JAZF1: variants seen among roughly 807,000 people sequenced by gnomAD.
The protein encoded by JAZF1 is juxtaposed with another zinc finger protein 1.
In JAZF1, 8 loss-of-function variants were observed where a neutral mutation model predicts 26.4. The ratio of observed to expected loss-of-function variants is 0.30; its 90% confidence interval spans 0.18 to 0.55. The LOEUF is 0.55. Ranked by LOEUF, JAZF1 falls within the 20% of genes least tolerant of loss-of-function variation. The pLI, the probability that JAZF1 is intolerant of heterozygous loss-of-function variation, is 0.94. For synonymous variants in JAZF1, 126 were observed against 122.3 expected (o/e 1.03, Z -0.20); for missense variants, 199 against 322.0 (o/e 0.62, Z 2.92).
At chr7:27,972,557 G>A (rs2128360006) in intron 2 of JAZF1, among the ~76,000 whole-genome samples, 1 of 152,200 alleles carries the variant, frequency 6.6e-6, no homozygotes, top group Middle Eastern at 3.4e-3. Flanking sequence ...TGAAGGAGGT[G>A]ATATGACTTA....
At chr7:27,878,444 G>GT (rs1162144895) in intron 3 of JAZF1, among the ~76,000 whole-genome samples, 8 of 152,084 alleles carry the variant, frequency 5.3e-5, no homozygotes, top group South Asian at 2.1e-4. Flanking sequence ...TCTATTTTCT[G>GT]TTTTTTTCTT....
chr7:28,114,389 T>G (rs1302559884), intron 1 of JAZF1, among the ~76,000 whole-genome samples: 3 of 151,886 alleles, frequency 2.0e-5, no homozygotes, highest in Non-Finnish European at 2.9e-5. Context: ...TTGGTGCTAC[T>G]GACATCTCTG....
chr7:28,174,630 T>C (rs565885329), intron 1 of JAZF1, among the ~76,000 whole-genome samples: 9 of 152,344 alleles, frequency 5.9e-5, no homozygotes, highest in African/African-American at 2.2e-4. Context: ...AAAATGTGTA[T>C]ACTAAATGAA....
intron 1 of JAZF1, among the ~76,000 whole-genome samples, chr7:28,146,039 T>C (rs1317862399): frequency 6.6e-6 from 1 of 152,212 alleles, no homozygotes; most frequent in Non-Finnish European, 1.5e-5. Context: ...ATAAGCCCCA[T>C]GCTACTATTC....
At chr7:28,061,312 C>A (rs938953885) in intron 1 of JAZF1, among the ~76,000 whole-genome samples, 40 of 152,318 alleles carry the variant, frequency 2.6e-4, no homozygotes, top group African/African-American at 8.4e-4. Flanking sequence ...TGTATGATCA[C>A]GTTATAAAAT....
intron 1 of JAZF1, among the ~76,000 whole-genome samples, chr7:28,144,035 T>G (rs1782992492): frequency 6.6e-6 from 1 of 152,124 alleles, no homozygotes; most frequent in African/African-American, 2.4e-5. Flanking sequence ...AGTTGCTGGG[T>G]GGGTGTGTTA....
intron 2 of JAZF1, among the ~76,000 whole-genome samples, chr7:27,902,071 A>C (rs1784170663): frequency 1.3e-5 from 2 of 152,230 alleles, no homozygotes; most frequent in Admixed American, 1.3e-4. Context: ...ATTGGAAGGC[A>C]AACTAACCTG....
chr7:28,144,694 G>A (rs1783000261), intron 1 of JAZF1, among the ~76,000 whole-genome samples: 1 of 152,128 alleles, frequency 6.6e-6, no homozygotes, highest in Non-Finnish European at 1.5e-5. Context: ...TTTAATCACA[G>A]TTTAATCACA....
At chr7:27,983,667 A>C (rs922464519) in intron 2 of JAZF1, among the ~76,000 whole-genome samples, 22 of 152,200 alleles carry the variant, frequency 1.4e-4, no homozygotes, top group Admixed American at 4.6e-4. Context: ...CAAAAGTTGA[A>C]ATAAAGGAAA....
chr7:27,975,398 C>T (rs1452771091), intron 2 of JAZF1, among the ~76,000 whole-genome samples: 1 of 152,136 alleles, frequency 6.6e-6, no homozygotes, highest in Non-Finnish European at 1.5e-5. Flanking sequence ...GCTCCACCTC[C>T]AACACTGGGG....
chr7:27,917,448 A>T (rs1350479055), intron 2 of JAZF1, among the ~76,000 whole-genome samples: 1 of 152,252 alleles, frequency 6.6e-6, no homozygotes, highest in African/African-American at 2.4e-5. Flanking sequence ...GTTCTGACTC[A>T]GTAGGTCTAG....
At chr7:28,017,774 T>C in intron 1 of JAZF1, among the ~76,000 whole-genome samples, 1 of 129,326 alleles carries the variant, frequency 7.7e-6, no homozygotes, top group South Asian at 2.7e-4. Flanking sequence ...TTTGTTGTTG[T>C]TGTTTGTTTG....
At chr7:27,852,336 G>A (rs764219278) in intron 3 of JAZF1, among the ~76,000 whole-genome samples, 1 of 152,014 alleles carries the variant, frequency 6.6e-6, no homozygotes, top group Non-Finnish European at 1.5e-5. Context: ...GTTTTACCAC[G>A]TTGGCCAGGC....
intron 3 of JAZF1, chr7:27,841,953 C>G (rs1157539700): frequency 6.6e-6 from 1 of 152,164 alleles, no homozygotes; most frequent in Non-Finnish European, 1.5e-5. Context: ...TTGTGAAATT[C>G]ATCCCCCAGG....
At chr7:28,013,270 C>A (rs993168713) in intron 1 of JAZF1, among the ~76,000 whole-genome samples, 1 of 152,064 alleles carries the variant, frequency 6.6e-6, no homozygotes, top group East Asian at 1.9e-4. Context: ...TAGCACAGGG[C>A]CTGCTTGCTA....
chr7:27,845,055 C>T (rs189377707), intron 3 of JAZF1, among the ~76,000 whole-genome samples: 334 of 152,264 alleles, frequency 2.2e-3, no homozygotes, highest in African/African-American at 7.5e-3. Flanking sequence ...TTCTGTGCCT[C>T]GCACCATCCC....
intron 1 of JAZF1, among the ~76,000 whole-genome samples, chr7:28,047,800 G>A (rs997768028): frequency 6.6e-6 from 1 of 152,038 alleles, no homozygotes. Flanking sequence ...TGCTTTCCCA[G>A]GCTAAGTTTA....
At chr7:27,908,576 A>T (rs1293186455) in intron 2 of JAZF1, among the ~76,000 whole-genome samples, 3 of 152,212 alleles carry the variant, frequency 2.0e-5, no homozygotes, top group Non-Finnish European at 4.4e-5. Context: ...GCCCCAACTG[A>T]GCAGACCAAA....
At chr7:28,073,050 G>A (rs559523885) in intron 1 of JAZF1, among the ~76,000 whole-genome samples, 1 of 152,244 alleles carries the variant, frequency 6.6e-6, no homozygotes, top group South Asian at 2.1e-4. Context: ...TTTTAAAATA[G>A]CACTATCGGT....
Sources: gnomAD v4.1 joint callset for allele counts (sites outside exome capture counted in the v4.1 genomes callset) on GRCh38, gnomAD v4.1.1 for gene constraint, MANE v1.5 for transcripts, NCBI Gene and HGNC (gene_info 2026-07-23, HGNC 2026-07-21) for gene names.